Variants in SLC35F1 observed in about 807,000 individuals in gnomAD.
SLC35F1 encodes solute carrier family 35 member F1, also known as chromosome 6 open reading frame 169.
A neutral mutation model predicts 48.7 loss-of-function variants in SLC35F1; 14 were observed. That is an observed-to-expected ratio of 0.29 (90% confidence interval 0.19 to 0.45). The LOEUF is 0.45. Among genes scored for constraint, SLC35F1 ranks in the 20% least tolerant of loss-of-function variants. The probability of loss-of-function intolerance (pLI) is 1.00; values close to 1 mark genes in which losing one functional copy is unlikely to be tolerated. For missense variants in SLC35F1, 404 were observed against 500.0 expected (o/e 0.81, Z 1.83); for synonymous variants, 190 against 202.2 (o/e 0.94, Z 0.51).
At chr6:118,286,805 T>TGTGTGTGTTTGTG (rs1562351393) in intron 7 of SLC35F1, among the ~76,000 whole-genome samples, 11 of 144,104 alleles carry the variant, frequency 7.6e-5, no homozygotes, top group African/African-American at 2.9e-4. Flanking sequence ...GTGTGTGTGT[T>TGTGTGTGTTTGTG]TGTGTGTGTG....
chr6:118,131,551 TAGG>T (rs1268722497), intron 1 of SLC35F1, among the ~76,000 whole-genome samples: 2 of 152,094 alleles, frequency 1.3e-5, no homozygotes, highest in African/African-American at 2.4e-5. Flanking sequence ...AATTATCAGA[TAGG>T]AGATTACTGA....
intron 7 of SLC35F1, among the ~76,000 whole-genome samples, chr6:118,299,572 A>G (rs143695346): frequency 1.7e-4 from 26 of 152,372 alleles, no homozygotes; most frequent in African/African-American, 6.0e-4. Context: ...CACAAGATCT[A>G]GAAGCAGATC....
intron 1 of SLC35F1, among the ~76,000 whole-genome samples, chr6:118,115,323 G>A (rs1255916393): frequency 6.6e-6 from 1 of 152,186 alleles, no homozygotes; most frequent in Non-Finnish European, 1.5e-5. Flanking sequence ...CATGCACAGA[G>A]CACATGTTGG....
rs373551582 is a variant in SLC35F1, at chr6:117,944,586, T to TACACACACAC, written c.173+36692_173+36693insCACACACACA. On this transcript the variant is annotated intron_variant, in intron 1 of 7. Transcript: ENST00000360388. ...ATCCCCCTCTCCCAAAACACACACA[T>TACACACACAC]ACACATACACACACACACACACACA... Among the ~76,000 whole-genome samples the TACACACACAC allele has an allele frequency of 6.6e-3, 961 of 146,366 alleles. 8 individuals are homozygous for TACACACACAC. The highest frequency in any genetic ancestry group is 0.019 in the African/African-American group (736 of 38,852).
chr6:118,126,968 T>C (rs1773635704), intron 1 of SLC35F1, among the ~76,000 whole-genome samples: 1 of 152,116 alleles, frequency 6.6e-6, no homozygotes, highest in Middle Eastern at 3.2e-3. Flanking sequence ...TGAATACTCT[T>C]TATTTCCTTC....
intron 7 of SLC35F1, among the ~76,000 whole-genome samples, chr6:118,293,606 C>A (rs1332905399): frequency 2.0e-5 from 3 of 152,114 alleles, no homozygotes; most frequent in African/African-American, 7.2e-5. Context: ...TTGCCTACCC[C>A]AACAGGACTA....
chr6:117,936,881 A>G (rs1275721745), intron 1 of SLC35F1, among the ~76,000 whole-genome samples: 3 of 152,274 alleles, frequency 2.0e-5, no homozygotes, highest in Admixed American at 2.0e-4. Flanking sequence ...AGTAGTTCCA[A>G]TTTATTATTG....
chr6:118,282,647 T>G (rs562219735), intron 6 of SLC35F1, among the ~76,000 whole-genome samples: 1 of 152,308 alleles, frequency 6.6e-6, no homozygotes, highest in South Asian at 2.1e-4. Context: ...ATGGAGCATT[T>G]TATTTCTCCT....
intron 1 of SLC35F1, among the ~76,000 whole-genome samples, chr6:117,921,976 A>G (rs1347386199): frequency 2.0e-5 from 3 of 152,202 alleles, no homozygotes; most frequent in African/African-American, 7.2e-5. Flanking sequence ...ACAAAAAAAG[A>G]TTTCTTAGCC....
At chr6:118,205,262 G>A (rs1774920961) in intron 2 of SLC35F1, among the ~76,000 whole-genome samples, 1 of 152,174 alleles carries the variant, frequency 6.6e-6, no homozygotes, top group African/African-American at 2.4e-5. Context: ...TGGAGGTAAA[G>A]CAGCCCTTTA....
intron 2 of SLC35F1, among the ~76,000 whole-genome samples, chr6:118,176,648 C>T (rs888738770): frequency 6.6e-6 from 1 of 152,062 alleles, no homozygotes; most frequent in Non-Finnish European, 1.5e-5. Flanking sequence ...TATATTAAAC[C>T]TTTAAAAATT....
At chr6:118,156,550 G>A (rs1024678371) in intron 2 of SLC35F1, among the ~76,000 whole-genome samples, 13 of 152,080 alleles carry the variant, frequency 8.5e-5, no homozygotes, top group Admixed American at 7.2e-4. Context: ...GGGAGGGATA[G>A]CATTAGGGAA....
intron 1 of SLC35F1, among the ~76,000 whole-genome samples, chr6:118,032,872 C>T (rs1204317126): frequency 6.6e-6 from 1 of 152,002 alleles, no homozygotes; most frequent in African/African-American, 2.4e-5. Context: ...AGTTTAAAAT[C>T]CTTTCCTTCA....
intron 1 of SLC35F1, among the ~76,000 whole-genome samples, chr6:118,020,810 A>G (rs781456655): frequency 2.0e-5 from 3 of 152,186 alleles, no homozygotes; most frequent in Non-Finnish European, 2.9e-5. Flanking sequence ...AGAGTAAAAT[A>G]TAGATGGAAT....
chr6:118,071,048 A>G (rs374239429), intron 1 of SLC35F1, among the ~76,000 whole-genome samples: 1 of 6,222 alleles, frequency 1.6e-4, no homozygotes, highest in Non-Finnish European at 3.1e-4. Context: ...ATATACACAT[A>G]GTATATATAT....
chr6:118,274,613 G>A (rs891303978), intron 4 of SLC35F1, among the ~76,000 whole-genome samples: 2 of 152,076 alleles, frequency 1.3e-5, no homozygotes, highest in African/African-American at 4.8e-5. Context: ...GGCCAGGCTG[G>A]TCTCGAACTC....
chr6:118,107,862 C>G (rs1012532172), intron 1 of SLC35F1, among the ~76,000 whole-genome samples: 29 of 151,888 alleles, frequency 1.9e-4, no homozygotes, highest in African/African-American at 7.0e-4. Flanking sequence ...CAGGGTCAAA[C>G]AAATCTCTAA....
intron 1 of SLC35F1, among the ~76,000 whole-genome samples, chr6:118,072,328 G>T (rs1375326951): frequency 1.3e-5 from 2 of 152,136 alleles, no homozygotes; most frequent in African/African-American, 4.8e-5. Flanking sequence ...ACTTTGGGAG[G>T]CTGAGGCGGG....
intron 1 of SLC35F1, among the ~76,000 whole-genome samples, chr6:118,015,101 C>A (rs1247695228): frequency 6.6e-6 from 1 of 152,190 alleles, no homozygotes. Context: ...ATTCTCTCTT[C>A]CCTGTTGCCA....
Sources: allele counts gnomAD v4.1 joint callset (sites outside exome capture counted in the v4.1 genomes callset), GRCh38; gene constraint gnomAD v4.1.1; transcripts MANE v1.5; gene names NCBI Gene and HGNC (gene_info 2026-07-23, HGNC 2026-07-21).